ANKRD28: variants seen among roughly 807,000 people sequenced by gnomAD.
ANKRD28 encodes serine/threonine-protein phosphatase 6 regulatory ankyrin repeat subunit A.
ANKRD28 carries 44 observed loss-of-function variants against 126.5 expected under a neutral mutation model. That is an observed-to-expected ratio of 0.35 (90% CI 0.27 to 0.45). The LOEUF (loss-of-function observed/expected upper bound fraction) is 0.45. Ranked by LOEUF, ANKRD28 falls within the 20% of genes least tolerant of loss-of-function variation. ANKRD28 has a pLI of 1.00. For synonymous variants in ANKRD28, 442 were observed against 468.5 expected (o/e 0.94, Z 0.73); for missense variants, 1,110 against 1,316.6 (o/e 0.84, Z 2.43).
intron 4 of ANKRD28, 30 bp downstream of exon 4, chr3:15,751,720 A>G: frequency 6.9e-7 from 1 of 1,443,122 alleles, no homozygotes; most frequent in Non-Finnish European, 9.5e-7. Context: ...GTTTTCATAT[A>G]AAACATATTT....
intron 1 of ANKRD28, among the ~76,000 whole-genome samples, chr3:15,842,322 T>C (rs2061439829): frequency 6.6e-6 from 1 of 152,038 alleles, no homozygotes; most frequent in Non-Finnish European, 1.5e-5. Flanking sequence ...AGTTTGCATG[T>C]TCTCACTTAT....
intron 6 of ANKRD28, among the ~76,000 whole-genome samples, chr3:15,734,958 G>A (rs1008078237): frequency 6.6e-6 from 1 of 152,116 alleles, no homozygotes; most frequent in Non-Finnish European, 1.5e-5. Context: ...CAGCAAAAAA[G>A]TCTGTATTCC....
At chr3:15,721,340 G>A (rs2470519) in intron 7 of ANKRD28, among the ~76,000 whole-genome samples, 75,001 of 151,924 alleles carry the variant, frequency 0.49, 20,474 homozygotes, top group Middle Eastern at 0.6. Context: ...ATACATTCAG[G>A]GAATATAATT....
chr3:15,768,799 C>A (rs888972012), intron 2 of ANKRD28, among the ~76,000 whole-genome samples: 4 of 152,136 alleles, frequency 2.6e-5, no homozygotes, highest in Admixed American at 1.3e-4. Flanking sequence ...TGATATAGTG[C>A]CAATAATGTT....
chr3:15,803,261 T>G (rs1368685717), intron 1 of ANKRD28, among the ~76,000 whole-genome samples: 1 of 152,238 alleles, frequency 6.6e-6, no homozygotes, highest in Non-Finnish European at 1.5e-5. Context: ...AGGAGACCAC[T>G]GCAGTAATCC....
chr3:15,711,385 T>A, intron 11 of ANKRD28, 111 bp from the exon 12 acceptor site: 1 of 864,472 alleles, frequency 1.2e-6, no homozygotes, highest in South Asian at 1.7e-5. Context: ...AACAAAACTA[T>A]GGGTTCTTAA....
At chr3:15,801,978 T>C (rs1575733792), upstream of ANKRD28, among the ~76,000 whole-genome samples, 2 of 152,334 alleles carry the variant, frequency 1.3e-5, no homozygotes, top group Admixed American at 1.3e-4. The surrounding 1 kb of genome is among the most constrained non-coding windows in gnomAD (Gnocchi z 4.9). Context: ...TTAATAGTAC[T>C]GTATACTGCA....
At chr3:15,813,631 C>T (rs1014319882) in intron 1 of ANKRD28, among the ~76,000 whole-genome samples, 1 of 152,164 alleles carries the variant, frequency 6.6e-6, no homozygotes, top group Non-Finnish European at 1.5e-5. Flanking sequence ...TTGAATCTGA[C>T]ATAAGAAGCC....
chr3:15,673,949 G>A (rs2066640313), intron 27 of ANKRD28, among the ~76,000 whole-genome samples: 4 of 152,066 alleles, frequency 2.6e-5, no homozygotes, highest in African/African-American at 9.6e-5. Context: ...GCTGAGGTGG[G>A]GGGATTGCTT....
Position 15,713,639 on chromosome 3 carries a change from C to A in ANKRD28, c.1078G>T (p.Ala360Ser). The A allele has an allele frequency of 6.3e-7, 1 of 1,598,014 alleles. No homozygotes were observed. Among genetic ancestry groups the A allele is most frequent in the Non-Finnish European group, 8.5e-7 (1 of 1,171,994 alleles). ...SRSQTIIQSG[A>S]VIDCEDKNGN... ...TTCTTATCCTCACAGTCGATTACAG[C>A]TCCTGCAATATAGGACTTACTGTCA... The change falls in exon 10 of 28, where the codon GCT becomes TCT. Residue 360 changes from alanine (A) to serine (S), a missense_variant and splice_region_variant. Physicochemically the swap from Ala to Ser is moderately conservative, Grantham distance 99. Transcript: ENST00000683139.
At chr3:15,745,722 AT>A (rs150299447) in intron 4 of ANKRD28, among the ~76,000 whole-genome samples, 11 of 150,700 alleles carry the variant, frequency 7.3e-5, no homozygotes, top group African/African-American at 9.8e-5. Flanking sequence ...GAATTTCAGA[AT>A]TTTTTTTTTC....
At chr3:15,714,548 C>CA in intron 9 of ANKRD28, 30 bp downstream of exon 9, 1 of 1,269,396 alleles carries the variant, frequency 7.9e-7, no homozygotes, top group Non-Finnish European at 1.1e-6. Context: ...AAAAAAAAAA[C>CA]CCCAAAAAAA....
At chr3:15,855,288 C>G (rs13060772) in intron 1 of ANKRD28, among the ~76,000 whole-genome samples, 1 of 151,876 alleles carries the variant, frequency 6.6e-6, no homozygotes, top group African/African-American at 2.4e-5. Context: ...TTAAGTTACT[C>G]ACATCCATCC....
intron 14 of ANKRD28, among the ~76,000 whole-genome samples, chr3:15,703,116 T>C (rs2070850456): frequency 6.6e-6 from 1 of 152,094 alleles, no homozygotes; most frequent in Non-Finnish European, 1.5e-5. Context: ...GTAAGTCACA[T>C]ACAAAAGGCA....
intron 8 of ANKRD28, among the ~76,000 whole-genome samples, chr3:15,719,437 T>A (rs765437292): frequency 6.6e-6 from 1 of 152,194 alleles, no homozygotes; most frequent in Non-Finnish European, 1.5e-5. Context: ...TTGATAAAAT[T>A]AATACAGAAA....
At chr3:15,758,626 C>CAG (rs1291236522) in intron 3 of ANKRD28, among the ~76,000 whole-genome samples, 1 of 152,126 alleles carries the variant, frequency 6.6e-6, no homozygotes, top group South Asian at 2.1e-4. Flanking sequence ...TTTTGCAAGC[C>CAG]AGAGAGAGAT....
chr3:15,755,276 C>T (rs560281969), intron 3 of ANKRD28, among the ~76,000 whole-genome samples: 14 of 152,234 alleles, frequency 9.2e-5, no homozygotes, highest in African/African-American at 3.4e-4. Flanking sequence ...CAATATTCCC[C>T]CACCAACATT....
In ANKRD28 at chr3:15,814,161, G is replaced by A; in HGVS notation, c.28-18855C>T. On this transcript the variant is annotated intron_variant, in intron 1 of 27. Coordinates refer to the ANKRD28 transcript ENST00000399451. This position sits in a 1 kb window ranked among gnomAD's most constrained non-coding sequence, Gnocchi z 4.7. Reference sequence around the variant, plus strand: ...GTTATGTATGAAAGCTAAGTTACAAGGAGGCTTAAACAGCAACAAACTAAC... The same window carrying A: ...GTTATGTATGAAAGCTAAGTTACAAAGAGGCTTAAACAGCAACAAACTAAC... 1.4e-6 allele frequency: 1 copy of A among 708,718 alleles called. No individual in the cohort carries two copies. Among genetic ancestry groups the A allele is most frequent in the Non-Finnish European group, 1.9e-6 (1 of 537,826 alleles). 43.9% of individuals were successfully genotyped at this position (708,718 alleles called of 1,614,324 possible).
intron 2 of ANKRD28, among the ~76,000 whole-genome samples, chr3:15,784,016 G>A (rs981041633): frequency 1.3e-5 from 2 of 151,760 alleles, no homozygotes; most frequent in African/African-American, 4.8e-5. Context: ...AAAGAGTCCG[G>A]AGAAATATTT....
Sources: gnomAD v4.1 joint callset for allele counts (sites outside exome capture counted in the v4.1 genomes callset) on GRCh38, gnomAD v4.1.1 for gene constraint, Gnocchi (gnomAD v3.1) non-coding constraint, MANE v1.5 for transcripts, NCBI Gene and HGNC (gene_info 2026-07-23, HGNC 2026-07-21) for gene names.